CYYR1: variants seen among roughly 807,000 people sequenced by gnomAD.
CYYR1 encodes the protein cysteine and tyrosine rich 1.
CYYR1 carries 14 observed loss-of-function variants against 15.2 expected under a neutral mutation model. That is an observed-to-expected ratio of 0.92 (90% CI 0.61 to 1.44). The LOEUF (loss-of-function observed/expected upper bound fraction) is 1.44. CYYR1 is among the 40% of genes most tolerant of loss of function. The pLI is 0.00. For missense variants in CYYR1, 228 were observed against 209.5 expected (o/e 1.09, Z -0.54); for synonymous variants, 80 against 77.4 (o/e 1.03, Z -0.18).
chr21:26,499,150 T>C (rs1248586253), intron 2 of CYYR1, among the ~76,000 whole-genome samples: 5 of 152,230 alleles, frequency 3.3e-5, no homozygotes, highest in African/African-American at 1.2e-4. Context: ...CATGTTCTAA[T>C]TCCCTGAACC....
At chr21:26,562,738 AC>A (rs1980297467) in intron 2 of CYYR1, among the ~76,000 whole-genome samples, 1 of 146,406 alleles carries the variant, frequency 6.8e-6, no homozygotes, top group East Asian at 2.0e-4. Context: ...ACACACACAC[AC>A]ACACACACAC....
chr21:26,545,567 C>CTTTTTTTTTTTTTTTT lies in CYYR1; in HGVS notation c.176+20683_176+20698dup, dbSNP rs770885517. ...CCTTCTGGTTAATAAGATGCTTATT[C>CTTTTTTTTTTTTTTTT]TTTTTTTTTTTTTTTTTTTTTTTTT... On this transcript the variant is annotated intron_variant, in intron 2 of 3. Coordinates refer to ENST00000652641, the MANE Select transcript of CYYR1 (RefSeq NM_001320768.2). Among the ~76,000 whole-genome samples the CTTTTTTTTTTTTTTTT allele has an allele frequency of 1.8e-4, 13 of 73,744 alleles. 2 individuals carry two copies. Among genetic ancestry groups the CTTTTTTTTTTTTTTTT allele is most frequent in the African/African-American group, 7.7e-4 (13 of 16,960 alleles). 48.4% of individuals were successfully genotyped at this position (73,744 alleles called of 152,430 possible).
rs1245107400 is a variant in CYYR1 at position 26,572,478 on chromosome 21, T to G, written c.73+390A>C. On this transcript the variant is annotated intron_variant, in intron 1 of 3. Coordinates refer to ENST00000652641, the MANE Select transcript of CYYR1 (RefSeq NM_001320768.2). Reference sequence around the variant, plus strand: ...CAAAGAACGAAAACAAAGCTCTAAGTTTTTTTTATTCACAAGAGGGAAAAC... The same window carrying G: ...CAAAGAACGAAAACAAAGCTCTAAGGTTTTTTTATTCACAAGAGGGAAAAC... Among the ~76,000 whole-genome samples, 6 of 152,172 alleles carry G rather than the reference T, an allele frequency of 3.9e-5. No homozygotes were observed. In the East Asian group the frequency reaches 1.2e-3, roughly 29 times the overall value.
At chr21:26,571,448 C>T (rs568733143) in intron 1 of CYYR1, among the ~76,000 whole-genome samples, 3 of 152,364 alleles carry the variant, frequency 2.0e-5, no homozygotes, top group East Asian at 3.9e-4. Flanking sequence ...GGGCACCTAG[C>T]ACTGGGGAAA....
intron 2 of CYYR1, among the ~76,000 whole-genome samples, chr21:26,525,932 C>T (rs1221964748): frequency 6.6e-6 from 1 of 152,144 alleles, no homozygotes; most frequent in Non-Finnish European, 1.5e-5. Flanking sequence ...AAACCAAATA[C>T]CGCATGTTCT....
intron 2 of CYYR1, among the ~76,000 whole-genome samples, chr21:26,482,873 A>C (rs1175321420): frequency 6.6e-6 from 1 of 151,920 alleles, no homozygotes; most frequent in East Asian, 1.9e-4. Flanking sequence ...GTATTCTAAA[A>C]TTTCATAATG....
intron 2 of CYYR1, chr21:26,564,636 A>G (rs1980479655): frequency 3.2e-6 from 3 of 943,772 alleles, no homozygotes; most frequent in Non-Finnish European, 3.8e-6. Flanking sequence ...ATTAATAAGT[A>G]GTTATGAGTT....
At chr21:26,560,749 C>G (rs1980139338) in intron 2 of CYYR1, among the ~76,000 whole-genome samples, 1 of 152,112 alleles carries the variant, frequency 6.6e-6, no homozygotes, top group South Asian at 2.1e-4. Context: ...CGTCTCTGAT[C>G]CCACTGCATT....
At chr21:26,487,243 A>G (rs1464286972) in intron 2 of CYYR1, among the ~76,000 whole-genome samples, 2 of 152,186 alleles carry the variant, frequency 1.3e-5, no homozygotes, top group African/African-American at 4.8e-5. Flanking sequence ...AAAAGTAACC[A>G]TAGCTTCAAA....
At chr21:26,572,234 T>C (rs767042843) in intron 1 of CYYR1, among the ~76,000 whole-genome samples, 2 of 152,230 alleles carry the variant, frequency 1.3e-5, no homozygotes, top group African/African-American at 2.4e-5. Flanking sequence ...TGGGGCTCCA[T>C]ATTAATCACA....
chr21:26,538,875 G>A (rs1978355043), intron 2 of CYYR1, among the ~76,000 whole-genome samples: 1 of 152,170 alleles, frequency 6.6e-6, no homozygotes. Flanking sequence ...ATCACAATCT[G>A]GTTCTCAAAC....
intron 2 of CYYR1, among the ~76,000 whole-genome samples, chr21:26,496,929 A>C (rs546175785): frequency 1.3e-5 from 2 of 152,216 alleles, no homozygotes; most frequent in South Asian, 2.1e-4. Context: ...TTATTCAAAA[A>C]TTTTCTTTGT....
chr21:26,503,833 CAA>C (rs964392714), intron 2 of CYYR1: 1 of 152,124 alleles, frequency 6.6e-6, no homozygotes, highest in African/African-American at 2.4e-5. Context: ...CAAATCCATA[CAA>C]AAGAGAGATG....
intron 2 of CYYR1, among the ~76,000 whole-genome samples, chr21:26,499,405 G>A (rs376150980): frequency 2.6e-4 from 39 of 152,320 alleles, no homozygotes; most frequent in African/African-American, 8.9e-4. Context: ...TTCCTCTAGG[G>A]ATTCCAGAGG....
intron 2 of CYYR1, chr21:26,506,799 T>G (rs549074633): frequency 6.6e-6 from 1 of 152,142 alleles, no homozygotes; most frequent in African/African-American, 2.4e-5. Context: ...GCCCACTTGC[T>G]AAAATGACCC....
intron 2 of CYYR1, among the ~76,000 whole-genome samples, chr21:26,501,213 C>T (rs190295390): frequency 7.9e-5 from 12 of 152,294 alleles, no homozygotes; most frequent in African/African-American, 2.9e-4. Flanking sequence ...TGGCACATGC[C>T]TGCAATCCTA....
At chr21:26,473,475 T>G (rs1046497599) in intron 3 of CYYR1, among the ~76,000 whole-genome samples, 6 of 152,212 alleles carry the variant, frequency 3.9e-5, no homozygotes, top group Non-Finnish European at 7.3e-5. Context: ...CACATCCCTC[T>G]GTCACCATGA....
At position 26,473,214 on chromosome 21, in the gene CYYR1, C is replaced by T. The variant is rs181914526; in HGVS notation, c.335-4580G>A. On this transcript the variant is annotated intron_variant, in intron 3 of 3. Transcript: ENST00000652641. ...CATGCCTTATATTTAAAGACAATTG[C>T]TCATTGCAAACCTTCTCATCTACTC... 8.5e-5 allele frequency among the ~76,000 whole-genome samples: 13 copies of T among 152,086 alleles called. No homozygotes were observed. The East Asian group carries it at 2.5e-3, about 29-fold the overall frequency.
chr21:26,573,244 C>T lies in CYYR1; in HGVS notation c.-304G>A, dbSNP rs534185584. 51 of 1,376,276 alleles carry T rather than the reference C, an allele frequency of 3.7e-5. No individual in the cohort carries two copies. The African/African-American group carries it at 7.3e-4, about 20-fold the overall frequency. 85.3% of individuals were successfully genotyped at this position (1,376,276 alleles called of 1,614,324 possible). On this transcript the variant is annotated 5_prime_UTR_variant, in exon 1 of 4. It introduces an in-frame stop codon into an upstream open reading frame of the 5' UTR. Transcript: ENST00000652641. ...AAGGCGGCCACTCCGGCGTCCTTGG[C>T]CACCCAGGCTCACATTTCATCTCCG...
Sources: allele counts gnomAD v4.1 joint callset (sites outside exome capture counted in the v4.1 genomes callset), GRCh38; gene constraint gnomAD v4.1.1; transcripts MANE v1.5; gene names NCBI Gene and HGNC (gene_info 2026-07-23, HGNC 2026-07-21).